LINGO2: variants seen among roughly 807,000 people sequenced by gnomAD.
The protein encoded by LINGO2 is leucine-rich repeat and immunoglobulin-like domain-containing nogo receptor-interacting protein 2.
A neutral mutation model predicts 30.6 loss-of-function variants in LINGO2; 14 were observed. The observed-to-expected ratio is 0.46, with a 90% CI of 0.30 to 0.72. LINGO2 has a LOEUF of 0.72. LINGO2 is among the 30% of genes least tolerant of loss of function. LINGO2 has a pLI of 0.07. For synonymous variants in LINGO2, 317 were observed against 288.5 expected (o/e 1.10, Z -1.00); for missense variants, 729 against 751.7 (o/e 0.97, Z 0.35).
At chr9:27,955,009 G>C (rs545785696) in intron 5 of LINGO2, among the ~76,000 whole-genome samples, 1 of 152,230 alleles carries the variant, frequency 6.6e-6, no homozygotes, top group African/African-American at 2.4e-5. Context: ...TACTGACGTT[G>C]AGCATGCATT....
chr9:28,361,281 T>C (rs1033497868), intron 3 of LINGO2, among the ~76,000 whole-genome samples: 1 of 152,198 alleles, frequency 6.6e-6, no homozygotes, highest in African/African-American at 2.4e-5. Flanking sequence ...TTATTAGTTA[T>C]TGTTGTTCAT....
the LINGO2 span, among the ~76,000 whole-genome samples, chr9:28,831,437 C>G: frequency 2.6e-5 from 4 of 151,952 alleles, no homozygotes; most frequent in Non-Finnish European, 4.4e-5. Context: ...TGTATTGTCC[C>G]CATTTTCTAT....
At chr9:28,216,272 G>GA (rs1820763901) in intron 4 of LINGO2, among the ~76,000 whole-genome samples, 3 of 151,910 alleles carry the variant, frequency 2.0e-5, no homozygotes, top group Admixed American at 6.6e-5. Flanking sequence ...GGATTTTGCA[G>GA]ATGACATTTT....
intron 1 of LINGO2, among the ~76,000 whole-genome samples, chr9:28,532,939 A>G (rs537927688): frequency 2.0e-4 from 31 of 152,144 alleles, no homozygotes; most frequent in Non-Finnish European, 3.2e-4. Flanking sequence ...CACCCTGTTG[A>G]TGACATACTT....
chr9:28,692,146 C>T, the LINGO2 span, among the ~76,000 whole-genome samples: 36 of 152,198 alleles, frequency 2.4e-4, no homozygotes, highest in East Asian at 6.6e-3. Flanking sequence ...TTCCTAGGTA[C>T]TCTCTTGCCT....
At chr9:28,315,303 G>C (rs1386648472) in intron 3 of LINGO2, among the ~76,000 whole-genome samples, 1 of 151,888 alleles carries the variant, frequency 6.6e-6, no homozygotes, top group African/African-American at 2.4e-5. Flanking sequence ...TACTCGGGAG[G>C]CTGAGGCAGA....
At position 28,050,867 on chromosome 9, in the gene LINGO2, T is replaced by C. The variant is rs1824640492; in HGVS notation, c.-86-38462A>G. Among the ~76,000 whole-genome samples the C allele has an allele frequency of 2.0e-5, 3 of 150,994 alleles. 1 individual carries two copies. The highest frequency in any genetic ancestry group is 2.9e-5 in the Non-Finnish European group (2 of 67,922). ...AAATGTTCAATTTGGTGATTTTATA[T>C]AAGTTGAAAGAGTAATAAATACCAT... On this transcript the variant is annotated intron_variant, in intron 4 of 5. Transcript: ENST00000379992.
At chr9:28,101,307 A>G (rs1180361090) in intron 4 of LINGO2, among the ~76,000 whole-genome samples, 45 of 152,082 alleles carry the variant, frequency 3.0e-4, no homozygotes, top group Admixed American at 2.9e-3. Context: ...AGCTTTGATT[A>G]CTGAGTCCTG....
chr9:28,940,250 A>G, the LINGO2 span, among the ~76,000 whole-genome samples: 1 of 152,044 alleles, frequency 6.6e-6, no homozygotes, highest in Non-Finnish European at 1.5e-5. Context: ...GGTGAGTTCT[A>G]CCCAGTGGAA....
the LINGO2 span, among the ~76,000 whole-genome samples, chr9:29,162,951 C>T: frequency 6.6e-6 from 1 of 152,044 alleles, no homozygotes; most frequent in African/African-American, 2.4e-5. Flanking sequence ...TTTCACTGTT[C>T]TTACAGACTC....
the LINGO2 span, among the ~76,000 whole-genome samples, chr9:29,004,786 G>T: frequency 6.6e-6 from 1 of 151,498 alleles, no homozygotes; most frequent in Non-Finnish European, 1.5e-5. Context: ...AAAACATCAA[G>T]AAATCAAAAC....
chr9:28,217,340 G>A (rs62560780), intron 4 of LINGO2, among the ~76,000 whole-genome samples: 1 of 151,384 alleles, frequency 6.6e-6, no homozygotes, highest in African/African-American at 2.4e-5. Context: ...GTGCCTATTG[G>A]GGTTAATACA....
rs1821938294 is a variant in LINGO2 at position 28,393,918 on chromosome 9, T to TGTAA, written c.-278-21051_-278-21050insTTAC. Among the ~76,000 whole-genome samples the TGTAA allele has an allele frequency of 2.0e-5, 3 of 152,328 alleles. No homozygotes were observed. The Middle Eastern group carries it at 0.01, about 522-fold the overall frequency. On this transcript the variant is annotated intron_variant, in intron 2 of 5. Coordinates refer to ENST00000379992, the Ensembl canonical transcript of LINGO2. ...GGGATAACTCTGAGGAAAAAGCTCTTATACTAGCTGCAGGTGTTCCCCAGC... is the reference window on the plus strand; with the variant it reads ...GGGATAACTCTGAGGAAAAAGCTCTTGTAAATACTAGCTGCAGGTGTTCCCCAGC...
chr9:29,039,823 G>A, the LINGO2 span, among the ~76,000 whole-genome samples: 16 of 152,062 alleles, frequency 1.1e-4, no homozygotes, highest in East Asian at 1.9e-4. Context: ...TGAACAAAGC[G>A]CTTGAAAAAT....
At chr9:29,163,607 A>G in the LINGO2 span, among the ~76,000 whole-genome samples, 1 of 152,184 alleles carries the variant, frequency 6.6e-6, no homozygotes, top group African/African-American at 2.4e-5. Context: ...TTCTTCACAC[A>G]TAGTAGACAT....
At chr9:28,289,612 T>A (rs1011277705) in intron 4 of LINGO2, among the ~76,000 whole-genome samples, 6 of 152,198 alleles carry the variant, frequency 3.9e-5, no homozygotes, top group African/African-American at 1.2e-4. Flanking sequence ...ATTATTTACC[T>A]TCAAAACAGA....
At chr9:28,094,874 GT>G (rs1256996158) in intron 4 of LINGO2, among the ~76,000 whole-genome samples, 1 of 152,038 alleles carries the variant, frequency 6.6e-6, no homozygotes, top group Non-Finnish European at 1.5e-5. Flanking sequence ...CTTAAATTAA[GT>G]TTGCTTAGAA....
At chr9:28,278,293 G>T (rs533285010) in intron 4 of LINGO2, among the ~76,000 whole-genome samples, 1 of 152,308 alleles carries the variant, frequency 6.6e-6, no homozygotes, top group South Asian at 2.1e-4. Context: ...TTATTTAGAA[G>T]ATCTAGTTAA....
At chr9:29,063,503 A>G in the LINGO2 span, among the ~76,000 whole-genome samples, 2 of 150,690 alleles carry the variant, frequency 1.3e-5, no homozygotes, top group Admixed American at 6.7e-5. Context: ...CCCAGGTTTG[A>G]GCAATTCTTC....
Sources: gnomAD v4.1 joint callset for allele counts (sites outside exome capture counted in the v4.1 genomes callset) on GRCh38, gnomAD v4.1.1 for gene constraint, MANE v1.5 for transcripts, NCBI Gene and HGNC (gene_info 2026-07-23, HGNC 2026-07-21) for gene names.